ZFHX4: variants seen among roughly 807,000 people sequenced by gnomAD.
The protein encoded by ZFHX4 is zinc finger homeobox 4, also known as zinc finger homeobox protein 4.
ZFHX4 carries 56 observed loss-of-function variants against 267.6 expected under a neutral mutation model. The ratio of observed to expected loss-of-function variants is 0.21; its 90% CI spans 0.17 to 0.26. The LOEUF (loss-of-function observed/expected upper bound fraction) is 0.26. ZFHX4 is among the 10% of genes least tolerant of loss of function. The probability of loss-of-function intolerance (pLI) is 1.00; values close to 1 mark genes in which losing one functional copy is unlikely to be tolerated. For missense variants in ZFHX4, 4,332 were observed against 4,420.0 expected, an observed-to-expected ratio of 0.98 and a Z score of 0.56; for synonymous variants, 1,778 against 1,665.6, an observed-to-expected ratio of 1.07 and a Z score of -1.64.
chr8:76,700,911 T>G (rs1441030990), intron 1 of ZFHX4, among the ~76,000 whole-genome samples: 4 of 152,168 alleles, frequency 2.6e-5, no homozygotes, highest in African/African-American at 9.6e-5. Flanking sequence ...GGAACTTTTA[T>G]AGTGAGTTAA....
rs1808180067 is a variant in ZFHX4, at chr8:76,704,210, A to G, written c.122A>G (p.Asp41Gly). 1.9e-6 allele frequency: 3 copies of G among 1,613,894 alleles called. No individual in the cohort carries two copies. Among genetic ancestry groups the G allele is most frequent in the African/African-American group, 2.7e-5 (2 of 74,928 alleles). ...GAGAAAGTTGCAGGGATGGAGCCTG[A>G]CAGGGAAAACAGCTCCACAGATGAC... ...VPEKVAGMEP[D>G]RENSSTDDNL... is the part of the protein sequence containing the mutation. Residue 41 changes from aspartate (D) to glycine (G), a missense_variant, in exon 2 of 11, where the codon GAC becomes GGC. Asp to Gly is a moderately conservative substitution (Grantham distance 94). This residue lies in a region of ZFHX4 where 1,195 missense variants were observed against 1,173.6 expected (regional missense o/e 1.02). Transcript: ENST00000651372.
chr8:76,864,384 G>A lies in ZFHX4; in HGVS notation c.10670G>A (p.Ser3557Asn). Reference protein sequence around the residue: ...SLSLPSTVTSSLCSTSGVQTS... With the variant: ...SLSLPSTVTSNLCSTSGVQTS... ...TCCTTGCCTTCAACGGTTACCTCAAGTTTGTGCAGCACCTCAGGGGTTCAA... is the reference window on the plus strand; with the variant it reads ...TCCTTGCCTTCAACGGTTACCTCAAATTTGTGCAGCACCTCAGGGGTTCAA... The change falls in exon 11 of 11, where the codon AGT (serine) becomes AAT (asparagine). Residue 3557 changes from serine (S) to asparagine (N), a missense_variant. This residue lies in a region of ZFHX4 where 1,648 missense variants were observed against 1,625.0 expected (regional missense o/e 1.01). Coordinates refer to ENST00000651372, the MANE Select transcript of ZFHX4 (RefSeq NM_024721.5). The A allele has an allele frequency of 6.2e-7, 1 of 1,613,646 alleles. No homozygotes were observed. Among genetic ancestry groups the A allele is most frequent in the Non-Finnish European group, 8.5e-7 (1 of 1,179,848 alleles).
At chr8:76,823,761 A>T (rs1448501308) in intron 4 of ZFHX4, among the ~76,000 whole-genome samples, 2 of 152,206 alleles carry the variant, frequency 1.3e-5, no homozygotes, top group East Asian at 3.8e-4. Flanking sequence ...TTGGTAAAAA[A>T]CATTATCTAG....
intron 4 of ZFHX4, among the ~76,000 whole-genome samples, chr8:76,811,631 G>A (rs185153350): frequency 3.0e-4 from 46 of 152,294 alleles, no homozygotes; most frequent in African/African-American, 1.0e-3. Flanking sequence ...ACAAGAAGGT[G>A]TATGCTGTCA....
Position 76,705,747 on chromosome 8 carries a change from C to T in ZFHX4, c.1659C>T (p.Gly553=). 6.2e-7 allele frequency: 1 copy of T among 1,613,996 alleles called. No homozygotes were observed. Among genetic ancestry groups the T allele is most frequent in the African/African-American group, 1.3e-5 (1 of 75,060 alleles). Residue 553 remains glycine, a synonymous_variant, in exon 2 of 11, where the codon GGC becomes GGT. Transcript: ENST00000651372. ...GTGGCAGTGTTGCTAGTAACTATGG[C>T]ATCAGTGGCAAGGACTTTGCAGACG... is the stretch of plus-strand genomic sequence containing the variant. ...RASGSVASNY[G]ISGKDFADAS...
rs144149879 is a variant in ZFHX4 at position 76,752,487 on chromosome 8, C to CAAAAA, written c.3094-25703_3094-25699dup. Among the ~76,000 whole-genome samples the CAAAAA allele has an allele frequency of 5.8e-4, 41 of 70,944 alleles. 5 individuals are homozygous for CAAAAA. Among genetic ancestry groups the CAAAAA allele is most frequent in the African/African-American group, 1.4e-3 (32 of 22,956 alleles). The allele number at this position is 70,944 out of a possible 152,430, so 46.5% of individuals were successfully genotyped here. On this transcript the variant is annotated intron_variant, in intron 3 of 10. Coordinates refer to ENST00000651372, the MANE Select transcript of ZFHX4 (RefSeq NM_024721.5). ...TGAAACCCTGTCTCTACCAAAAATC[C>CAAAAA]AAAAAAAAAAAAAAAAAAAAAAGAA...
chr8:76,794,873 T>G (rs1012613076), intron 4 of ZFHX4, among the ~76,000 whole-genome samples: 30 of 143,166 alleles, frequency 2.1e-4, no homozygotes, highest in Admixed American at 4.9e-4. Context: ...TGGCCTGTCA[T>G]TGTGTGTGTG....
chr8:76,782,573 C>A (rs1563519364), intron 4 of ZFHX4, among the ~76,000 whole-genome samples: 1 of 151,902 alleles, frequency 6.6e-6, no homozygotes. Context: ...TTAAACCTTT[C>A]TGCCTTCCAT....
At chr8:76,787,587 G>T (rs1259851034) in intron 4 of ZFHX4, among the ~76,000 whole-genome samples, 1 of 149,702 alleles carries the variant, frequency 6.7e-6, no homozygotes, top group Non-Finnish European at 1.5e-5. Context: ...CGGATCACGA[G>T]GTCAGGAGAT....
intron 3 of ZFHX4, among the ~76,000 whole-genome samples, chr8:76,765,305 G>A (rs1368199157): frequency 2.6e-5 from 4 of 152,010 alleles, no homozygotes; most frequent in East Asian, 1.9e-4. Context: ...AAAAATCATC[G>A]TAAATGTTAA....
At chr8:76,721,852 T>C (rs1397757843) in intron 3 of ZFHX4, among the ~76,000 whole-genome samples, 4 of 152,158 alleles carry the variant, frequency 2.6e-5, no homozygotes, top group African/African-American at 9.7e-5. Context: ...ATGTGATGTT[T>C]GTGACCGTAT....
At chr8:76,856,378 T>A in intron 10 of ZFHX4, 78 bp downstream of exon 10, 1 of 1,513,202 alleles carries the variant, frequency 6.6e-7, no homozygotes, top group Non-Finnish European at 9.0e-7. Flanking sequence ...AAGAACGGGG[T>A]GCCTTTGGAT....
intron 3 of ZFHX4, among the ~76,000 whole-genome samples, chr8:76,731,344 A>G (rs1176321004): frequency 6.6e-6 from 1 of 152,204 alleles, no homozygotes; most frequent in Non-Finnish European, 1.5e-5. Context: ...TTGGCTCGAT[A>G]CTAGCAGGAT....
chr8:76,863,849 G>A lies in ZFHX4; in HGVS notation c.10135G>A (p.Glu3379Lys), dbSNP rs1812948029. Residue 3379 changes from glutamate to lysine, a missense_variant, in exon 11 of 11, where the codon GAA (glutamate) becomes AAA (lysine). Around this residue, in one of 7 missense-constraint regions of ZFHX4, gnomAD observed 1,648 missense variants for 1,625.0 expected, o/e 1.01. Transcript: ENST00000651372. ...AAGTACTGCTACAGAAAGCACAAAA[G>A]AAGAACCCCAGTTAGAATCCAAAAG... ...DKSTATESTKEEPQLESKSAD... is the reference protein window; with the variant it reads ...DKSTATESTKKEPQLESKSAD... 19 of 1,555,204 alleles carry A rather than the reference G, an allele frequency of 1.2e-5. No homozygotes were observed. The highest frequency in any genetic ancestry group is 1.7e-4 in the Middle Eastern group (1 of 6,018).
chr8:76,863,334 T>C lies in ZFHX4; in HGVS notation c.9620T>C (p.Leu3207Ser), dbSNP rs1812924842. The C allele has an allele frequency of 1.9e-6, 3 of 1,613,400 alleles. No homozygotes were observed. Among genetic ancestry groups the C allele is most frequent in the Admixed American group, 1.7e-5 (1 of 59,938 alleles). The change falls in exon 11 of 11, where the codon TTA (leucine) becomes TCA (serine). Residue 3207 changes from leucine to serine, a missense_variant. Physicochemically the swap from Leu to Ser is moderately radical, Grantham distance 145. Around this residue, in one of 7 missense-constraint regions of ZFHX4, gnomAD observed 1,648 missense variants for 1,625.0 expected, o/e 1.01. Transcript: ENST00000651372. The part of the protein sequence containing the change: ...NKVKKIKEEE[L>S]EATKPEKHPK... ...GTGAAAAAAATCAAAGAGGAGGAAT[T>C]AGAGGCCACCAAACCCGAAAAACAC...
At position 76,853,788 on chromosome 8, in the gene ZFHX4, A is replaced by G; in HGVS notation, c.6867A>G (p.Ala2289=). Residue 2289 remains alanine, a synonymous_variant, in exon 10 of 11, where the codon GCA becomes GCG. Coordinates refer to ENST00000651372, the MANE Select transcript of ZFHX4 (RefSeq NM_024721.5). ...CACGAAAGAGTTATGAGAATCAAGC[A>G]GAAACAAAAGATAATGAAAAAAGAG... ...QKARKSYENQ[A]ETKDNEKREL... 1 of 1,613,782 alleles carries G rather than the reference A, an allele frequency of 6.2e-7. No homozygotes were observed. Among genetic ancestry groups the G allele is most frequent in the East Asian group, 2.2e-5 (1 of 44,822 alleles).
chr8:76,742,158 GA>G (rs1178783762), intron 3 of ZFHX4, among the ~76,000 whole-genome samples: 1 of 152,168 alleles, frequency 6.6e-6, no homozygotes, highest in African/African-American at 2.4e-5. Flanking sequence ...GTAGTGGTTA[GA>G]AAAAGGACGT....
chr8:76,706,487 A>G lies in ZFHX4; in HGVS notation c.2399A>G (p.Gln800Arg). 6.2e-7 allele frequency: 1 copy of G among 1,614,006 alleles called. No homozygotes were observed. The highest frequency in any genetic ancestry group is 1.7e-5 in the Admixed American group (1 of 60,014). ...ATGCATAATATGATGCTTTTGCAGC[A>G]GAACATGAAGCAGATCCAGCATAAT... ...KHMHNMMLLQ[Q>R]NMKQIQHNLH... The change falls in exon 2 of 11, where the codon CAG becomes CGG. Residue 800 changes from glutamine to arginine, a missense_variant. Coordinates refer to ENST00000651372, the MANE Select transcript of ZFHX4 (RefSeq NM_024721.5).
intron 5 of ZFHX4, among the ~76,000 whole-genome samples, chr8:76,841,305 A>AT (rs994363585): frequency 6.6e-5 from 10 of 151,506 alleles, no homozygotes; most frequent in Admixed American, 3.3e-4. Flanking sequence ...CACTAAATAG[A>AT]TTTTTTTTTG....
Sources: allele counts gnomAD v4.1 joint callset (sites outside exome capture counted in the v4.1 genomes callset), GRCh38; gene constraint gnomAD v4.1.1; regional missense constraint gnomAD v4.1.1; transcripts MANE v1.5; gene names NCBI Gene and HGNC (gene_info 2026-07-23, HGNC 2026-07-21).